The following CABLES2 variants were observed in gnomAD, a reference collection of about 807,000 sequenced individuals.
CABLES2 encodes CDK5 and ABL1 enzyme substrate 2.
A neutral mutation model predicts 44.8 loss-of-function variants in CABLES2; 35 were observed. That is an observed-to-expected ratio of 0.78 (90% confidence interval 0.60 to 1.04). The LOEUF is 1.04. Among genes scored for constraint, CABLES2 ranks in the 50% least tolerant of loss-of-function variants. CABLES2 has a pLI of 0.00. For synonymous variants in CABLES2, 282 were observed against 281.1 expected (o/e 1.00, Z -0.03); for missense variants, 566 against 615.7 (o/e 0.92, Z 0.85).
At chr20:62,395,137 T>C (rs1353411587) in intron 3 of CABLES2, 123 bp from the exon 4 acceptor site, 1 of 783,874 alleles carries the variant, frequency 1.3e-6, no homozygotes, top group African/African-American at 1.7e-5. Flanking sequence ...GCTGGGAAAC[T>C]GCCCATGCTG....
At chr20:62,406,191 G>A (rs1988279801) in intron 1 of CABLES2, among the ~76,000 whole-genome samples, 1 of 152,158 alleles carries the variant, frequency 6.6e-6, no homozygotes, top group Non-Finnish European at 1.5e-5. Flanking sequence ...ACCAGTGGCT[G>A]TGGGATGGGA....
At chr20:62,399,882 C>A (rs1247408333) in intron 1 of CABLES2, among the ~76,000 whole-genome samples, 2 of 152,142 alleles carry the variant, frequency 1.3e-5, no homozygotes, top group Non-Finnish European at 2.9e-5. Context: ...GCGTGAGCCA[C>A]CATATTGTAT....
intron 7 of CABLES2, among the ~76,000 whole-genome samples, 189 bp from the exon 8 acceptor site, chr20:62,392,684 T>C (rs1277153545): frequency 6.6e-6 from 1 of 152,154 alleles, no homozygotes; most frequent in African/African-American, 2.4e-5. Context: ...CTGCTTGGTG[T>C]GGGGAGAGCC....
At chr20:62,402,065 C>G (rs567826328) in intron 1 of CABLES2, among the ~76,000 whole-genome samples, 3 of 152,306 alleles carry the variant, frequency 2.0e-5, no homozygotes, top group East Asian at 1.9e-4. Context: ...TGGTTCCCCC[C>G]ACGTGGCAGT....
chr20:62,398,201 G>GATGGTGGTGGTGAT (rs879304155), intron 1 of CABLES2, among the ~76,000 whole-genome samples: 3 of 133,112 alleles, frequency 2.3e-5, no homozygotes, highest in Admixed American at 7.3e-5. Flanking sequence ...TGATGATGGT[G>GATGGTGGTGGTGAT]GTGATGGTGA....
Position 62,393,600 on chromosome 20 carries a change from C to T in CABLES2, c.720G>A (p.Val240=), listed in dbSNP as rs762159540. The T allele has an allele frequency of 1.3e-6, 2 of 1,580,990 alleles. No individual in the cohort carries two copies. The highest frequency in any genetic ancestry group is 8.6e-7 in the Non-Finnish European group (1 of 1,160,526). ...GVELGADGKV[V]SYAKFLYPTN... ...TGGGATACAGGAACTTCGCATAAGA[C>T]ACGACCTGGAAAAGCAAATGCATCT... The change falls in exon 6 of 10, where the codon GTG becomes GTA. Residue 240 remains valine, a synonymous_variant. Coordinates refer to ENST00000279101, the MANE Select transcript of CABLES2 (RefSeq NM_031215.3).
chr20:62,398,130 ACGGTGGTGATGG>A (rs1988095745), intron 1 of CABLES2, among the ~76,000 whole-genome samples: 5 of 20,358 alleles, frequency 2.5e-4, no homozygotes, highest in East Asian at 1.6e-3. Context: ...GGTGGTTATG[ACGGTGGTGATGG>A]TGGTGGTGGT....
Position 62,393,085 on chromosome 20 carries a change from G to A in CABLES2, c.881-62C>T, listed in dbSNP as rs1306995955. 4.9e-6 allele frequency: 7 copies of A among 1,442,922 alleles called. No individual in the cohort carries two copies. In the African/African-American group the frequency reaches 7.0e-5, roughly 14 times the overall value. The allele number at this position is 1,442,922 out of a possible 1,614,324, so 89.4% of individuals were successfully genotyped here. A position where few individuals can be genotyped will look rare whatever the true frequency, so the allele number is the denominator to read the frequency against. ...TGAGCAGTACCCATCTAGCCCCAAGGCCTGGCAGGCCAGCGCCATGGCGGG... is the reference window on the plus strand; with the variant it reads ...TGAGCAGTACCCATCTAGCCCCAAGACCTGGCAGGCCAGCGCCATGGCGGG... On this transcript the variant is annotated intron_variant, in intron 6 of 9. Coordinates refer to ENST00000279101, the MANE Select transcript of CABLES2 (RefSeq NM_031215.3).
chr20:62,396,615 C>T lies in CABLES2; in HGVS notation c.363-23G>A. 5 of 1,598,806 alleles carry T rather than the reference C, an allele frequency of 3.1e-6. No homozygotes were observed. Among genetic ancestry groups the T allele is most frequent in the Non-Finnish European group, 4.3e-6 (5 of 1,173,334 alleles). On this transcript the variant is annotated intron_variant, in intron 1 of 9. Coordinates refer to ENST00000279101, the MANE Select transcript of CABLES2 (RefSeq NM_031215.3). This position sits in a 1 kb window ranked among gnomAD's most constrained non-coding sequence, Gnocchi z 5.7. ...TTCCTGCAAGATGACAATGGAGCCT[C>T]AAAACAGGCCACCAGCCCGGGTGCC...
Position 62,390,842 on chromosome 20 carries a change from A to G in CABLES2, c.*129T>C, listed in dbSNP as rs1046641561. ...AAGAGGCAAAAAGGAAAGCTGCACCAGCGGAGGCCAGGTGCCTCCTGCTAG... is the reference window on the plus strand; with the variant it reads ...AAGAGGCAAAAAGGAAAGCTGCACCGGCGGAGGCCAGGTGCCTCCTGCTAG... On this transcript the variant is annotated 3_prime_UTR_variant, in exon 10 of 10. Coordinates refer to ENST00000279101, the MANE Select transcript of CABLES2 (RefSeq NM_031215.3). 3 of 1,070,990 alleles carry G rather than the reference A, an allele frequency of 2.8e-6. No homozygotes were observed. The highest frequency in any genetic ancestry group is 2.4e-5 in the East Asian group (1 of 41,760). 66.3% of individuals were successfully genotyped at this position (1,070,990 alleles called of 1,614,324 possible). A position where few individuals can be genotyped will look rare whatever the true frequency, so the allele number is the denominator to read the frequency against.
intron 1 of CABLES2, among the ~76,000 whole-genome samples, chr20:62,398,138 G>GGTGGTT (rs1988096621): frequency 6.9e-6 from 1 of 145,030 alleles, no homozygotes; most frequent in African/African-American, 2.6e-5. Flanking sequence ...TGACGGTGGT[G>GGTGGTT]ATGGTGGTGG....
chr20:62,406,913 A>G lies in CABLES2; in HGVS notation c.362+2T>C. 1 of 1,216,568 alleles carries G rather than the reference A, an allele frequency of 8.2e-7. No homozygotes were observed. The highest frequency in any genetic ancestry group is 1.0e-6 in the Non-Finnish European group (1 of 977,266). The allele number at this position is 1,216,568 out of a possible 1,614,324, so 75.4% of individuals were successfully genotyped here. A position where few individuals can be genotyped will look rare whatever the true frequency, so the allele number is the denominator to read the frequency against. ...GGCTGACCTGGCCGGGCCCCCACTCACCTCTGGCGCTGCCCATCCAGGCCG... is the reference window on the plus strand; with the variant it reads ...GGCTGACCTGGCCGGGCCCCCACTCGCCTCTGGCGCTGCCCATCCAGGCCG... On this transcript the variant is annotated splice_donor_variant, in intron 1 of 9. Transcript: ENST00000279101. LOFTEE classifies it high-confidence loss of function.
intron 4 of CABLES2, among the ~76,000 whole-genome samples, chr20:62,394,564 C>T (rs1339648737): frequency 6.6e-6 from 1 of 152,144 alleles, no homozygotes; most frequent in Admixed American, 6.5e-5. Flanking sequence ...GTTTCTCCAC[C>T]ACTGTTTTTA....
rs1451847600 is a variant in CABLES2 at position 62,396,009 on chromosome 20, C to A, written c.527+306G>T. Among the ~76,000 whole-genome samples the A allele has an allele frequency of 6.6e-6, 1 of 152,254 alleles. No homozygotes were observed. Among genetic ancestry groups the A allele is most frequent in the Non-Finnish European group, 1.5e-5 (1 of 68,048 alleles). On this transcript the variant is annotated intron_variant, in intron 3 of 9. Transcript: ENST00000279101. The surrounding 1 kb of genome is among the most constrained non-coding windows in gnomAD (Gnocchi z 5.7). The stretch of plus-strand genomic sequence containing the variant: ...CCTCCCCACACATCTCACAGCCACA[C>A]CCGTTTCTGTGTCTCCAGTTTTCCT...
Position 62,407,169 on chromosome 20 carries a change from C to A in CABLES2, c.108G>T (p.Leu36=). ...GGCGCCGCGAGTCCCCGCGCCTCCG[C>A]AGCGCCTGCGGCGGGGCCCGAGCGG... is the stretch of plus-strand genomic sequence containing the variant. ...TSAARAPPQA[L]RRRGDSRRRQ... Residue 36 remains leucine, a synonymous_variant, in exon 1 of 10, where the codon CTG becomes CTT. Coordinates refer to ENST00000279101, the MANE Select transcript of CABLES2 (RefSeq NM_031215.3). 1 of 1,001,050 alleles carries A rather than the reference C, an allele frequency of 1.0e-6. No individual in the cohort carries two copies. The highest frequency in any genetic ancestry group is 1.2e-6 in the Non-Finnish European group (1 of 840,906). The allele number at this position is 1,001,050 out of a possible 1,614,324, so 62.0% of individuals were successfully genotyped here. A position where few individuals can be genotyped will look rare whatever the true frequency, so the allele number is the denominator to read the frequency against.
At chr20:62,398,098 T>C (rs1320422145) in intron 1 of CABLES2, among the ~76,000 whole-genome samples, 10 of 135,798 alleles carry the variant, frequency 7.4e-5, no homozygotes, top group African/African-American at 2.8e-4. Context: ...ACGGTGGTGG[T>C]GGTGGTGATG....
chr20:62,398,089 C>CAGT (rs1988086198), intron 1 of CABLES2, among the ~76,000 whole-genome samples: 83 of 54,898 alleles, frequency 1.5e-3, no homozygotes, highest in African/African-American at 6.4e-3. Flanking sequence ...GTGGTGGTGA[C>CAGT]GGTGGTGGTG....
At position 62,389,353 on chromosome 20, in the gene CABLES2, G is replaced by A. The variant is rs1987867438; in HGVS notation, c.*1618C>T. ...ACAATAAGAAAGAACAAAGGCTTTG[G>A]TTTGTCCTCATCCTCCAGTCTGTCC... is the stretch of plus-strand genomic sequence containing the variant. On this transcript the variant is annotated 3_prime_UTR_variant, in exon 10 of 10. Transcript: ENST00000279101. The A allele has an allele frequency of 6.6e-6, 1 of 152,292 alleles. No homozygotes were observed. The highest frequency in any genetic ancestry group is 2.4e-5 in the African/African-American group (1 of 41,436). 9.4% of individuals were successfully genotyped at this position (152,292 alleles called of 1,614,324 possible).
At chr20:62,397,392 C>T (rs1307868284) in intron 1 of CABLES2, among the ~76,000 whole-genome samples, 2 of 152,222 alleles carry the variant, frequency 1.3e-5, no homozygotes, top group African/African-American at 4.8e-5. Flanking sequence ...TCCTTAGTGC[C>T]TGCCCTCCTG....
Sources: gnomAD v4.1 joint callset for allele counts (sites outside exome capture counted in the v4.1 genomes callset) on GRCh38, gnomAD v4.1.1 for gene constraint, Gnocchi (gnomAD v3.1) non-coding constraint, MANE v1.5 for transcripts, NCBI Gene and HGNC (gene_info 2026-07-23, HGNC 2026-07-21) for gene names.